The following VPS13C variants were observed in gnomAD, a reference collection of about 807,000 sequenced individuals.
VPS13C encodes intermembrane lipid transfer protein VPS13C.
VPS13C carries 358 observed loss-of-function variants against 456.8 expected under a neutral mutation model. The observed-to-expected ratio is 0.78, with a 90% CI of 0.72 to 0.86. The LOEUF is 0.86. VPS13C is among the 40% of genes least tolerant of loss of function. The pLI is 0.00. For synonymous variants in VPS13C, 1,578 were observed against 1,486.7 expected, an observed-to-expected ratio of 1.06 and a Z score of -1.41; for missense variants, 4,818 against 4,385.4, an observed-to-expected ratio of 1.10 and a Z score of -2.79.
intron 15 of VPS13C, among the ~76,000 whole-genome samples, chr15:62,003,202 T>C (rs2046700477): frequency 6.6e-6 from 1 of 151,648 alleles, no homozygotes; most frequent in Non-Finnish European, 1.5e-5. Context: ...CATTGAGCAG[T>C]GGTTTGTAGT....
intron 5 of VPS13C, among the ~76,000 whole-genome samples, chr15:62,031,534 A>G (rs1222127376): frequency 6.6e-6 from 1 of 152,074 alleles, no homozygotes; most frequent in Non-Finnish European, 1.5e-5. Flanking sequence ...CAGTTAAGAA[A>G]AAAATAATCT....
rs71411469 is a variant in VPS13C, at chr15:61,894,566, A to C, written c.9106-4166T>G. Among the ~76,000 whole-genome samples, 3 of 152,096 alleles carry C rather than the reference A, an allele frequency of 2.0e-5. No homozygotes were observed. In the South Asian group the frequency reaches 6.2e-4, roughly 31 times the overall value. On this transcript the variant is annotated intron_variant, in intron 66 of 84. Transcript: ENST00000644861. Reference sequence around the variant, plus strand: ...TTCCACACAAATGGAAACCAAGAAAAAAAAAAGAGTAGGAGTAGCTATGCT... The same window carrying C: ...TTCCACACAAATGGAAACCAAGAAACAAAAAAGAGTAGGAGTAGCTATGCT...
intron 5 of VPS13C, among the ~76,000 whole-genome samples, chr15:62,029,788 T>C (rs909526511): frequency 1.3e-5 from 2 of 152,152 alleles, no homozygotes; most frequent in Non-Finnish European, 2.9e-5. Context: ...GCCTACAAAA[T>C]TCTAATTTTT....
intron 14 of VPS13C, 62 bp from the exon 15 acceptor site, chr15:62,007,541 G>A (rs1201170384): frequency 7.3e-7 from 1 of 1,375,442 alleles, no homozygotes; most frequent in Non-Finnish European, 9.6e-7. Flanking sequence ...AACAGGAAAA[G>A]TCTTGACATT....
chr15:61,868,612 A>T (rs1894764570), intron 81 of VPS13C, 47 bp downstream of exon 81: 10 of 1,539,448 alleles, frequency 6.5e-6, no homozygotes, highest in Non-Finnish European at 8.1e-6. Context: ...GGGCCTAGAA[A>T]TCATTAAAAT....
chr15:61,930,266 G>A (rs921397437), intron 50 of VPS13C, among the ~76,000 whole-genome samples: 8 of 152,136 alleles, frequency 5.3e-5, no homozygotes, highest in East Asian at 3.9e-4. Context: ...GTTCCCCTAC[G>A]TCCTCCCATG....
intron 78 of VPS13C, 79 bp from the exon 79 acceptor site, chr15:61,872,113 G>T: frequency 8.6e-7 from 1 of 1,159,912 alleles, no homozygotes; most frequent in Non-Finnish European, 1.2e-6. Flanking sequence ...GGTCTCTACA[G>T]ACATACTGGA....
At chr15:61,950,555 CA>C (rs202137136) in intron 40 of VPS13C, 138 bp from the exon 41 acceptor site, 17,264 of 451,466 alleles carry the variant, frequency 0.038, no homozygotes, top group South Asian at 0.054. Flanking sequence ...GAAAGCCATT[CA>C]AAAAAAAAAA....
chr15:62,039,464 T>A (rs1317974094), intron 3 of VPS13C, among the ~76,000 whole-genome samples: 1 of 150,248 alleles, frequency 6.7e-6, no homozygotes, highest in Middle Eastern at 3.2e-3. Context: ...AAGTAAGAGA[T>A]AAGGAATTAA....
chr15:62,013,353 T>C (rs1422936629), intron 10 of VPS13C, among the ~76,000 whole-genome samples: 1 of 152,054 alleles, frequency 6.6e-6, no homozygotes, highest in East Asian at 1.9e-4. Flanking sequence ...AAGGAACTCA[T>C]TCATTCAATT....
intron 29 of VPS13C, 74 bp from the exon 30 acceptor site, chr15:61,966,216 G>C: frequency 3.9e-6 from 4 of 1,017,266 alleles, no homozygotes; most frequent in Non-Finnish European, 4.3e-6. Flanking sequence ...ATTATCTCTG[G>C]TTAATTTATT....
At chr15:61,855,088 G>A in intron 83 of VPS13C, 134 bp from the exon 84 acceptor site, 1 of 668,206 alleles carries the variant, frequency 1.5e-6, no homozygotes, top group East Asian at 2.9e-5. Flanking sequence ...ATTCAAGTAA[G>A]ATATGAAATA....
intron 16 of VPS13C, 83 bp from the exon 17 acceptor site, chr15:61,991,885 GTTCT>G: frequency 7.1e-7 from 1 of 1,415,978 alleles, no homozygotes; most frequent in Non-Finnish European, 9.5e-7. Flanking sequence ...AAAAACAATG[GTTCT>G]TTTTTTTTTT....
At chr15:62,039,895 G>A (rs2048184231) in intron 3 of VPS13C, among the ~76,000 whole-genome samples, 1 of 152,068 alleles carries the variant, frequency 6.6e-6, no homozygotes, top group East Asian at 1.9e-4. Context: ...ATATTGAAGA[G>A]ATACCTATAC....
intron 18 of VPS13C, among the ~76,000 whole-genome samples, chr15:61,990,640 G>C (rs564911096): frequency 4.6e-5 from 7 of 151,874 alleles, no homozygotes; most frequent in Admixed American, 6.6e-5. Flanking sequence ...GCAAAACCTC[G>C]TCTCCACTAA....
At chr15:61,961,397 ACAC>A (rs2045198658) in intron 35 of VPS13C, among the ~76,000 whole-genome samples, 189 bp downstream of exon 35, 10 of 19,546 alleles carry the variant, frequency 5.1e-4, no homozygotes, top group African/African-American at 1.3e-3. Flanking sequence ...AACTCAAAAC[ACAC>A]ACACACACAC....
intron 66 of VPS13C, among the ~76,000 whole-genome samples, chr15:61,895,754 G>A (rs764366034): frequency 6.6e-6 from 1 of 152,126 alleles, no homozygotes; most frequent in Admixed American, 6.5e-5. Context: ...CTAAAAAACA[G>A]TTGGTCTCAT....
chr15:61,933,860 A>C (rs968273939), intron 49 of VPS13C, among the ~76,000 whole-genome samples: 2 of 152,094 alleles, frequency 1.3e-5, no homozygotes, highest in African/African-American at 4.8e-5. Context: ...AGTCACTACT[A>C]AATTATTCTT....
chr15:61,985,058 A>C, intron 18 of VPS13C, 59 bp from the exon 19 acceptor site: 1 of 1,236,592 alleles, frequency 8.1e-7, no homozygotes, highest in Non-Finnish European at 1.1e-6. Flanking sequence ...ACTTTCTTTA[A>C]TAATTTCTTA....
Sources: allele counts gnomAD v4.1 joint callset (sites outside exome capture counted in the v4.1 genomes callset), GRCh38; gene constraint gnomAD v4.1.1; transcripts MANE v1.5; gene names NCBI Gene and HGNC (gene_info 2026-07-23, HGNC 2026-07-21).